SAMD3: variants seen among roughly 807,000 people sequenced by gnomAD.
SAMD3 encodes sterile alpha motif domain containing 3, also known as sterile alpha motif domain-containing protein 3.
Under a neutral mutation model 58.5 loss-of-function variants are expected in SAMD3, and 63 were observed. That is an observed-to-expected ratio of 1.08 (90% confidence interval 0.88 to 1.33). SAMD3 has a LOEUF of 1.33. Ranked by LOEUF, SAMD3 falls within the 40% of genes most tolerant of loss-of-function variation. SAMD3 has a pLI of 0.00. For synonymous variants in SAMD3, 220 were observed against 210.3 expected (o/e 1.05, Z -0.40); for missense variants, 604 against 608.4 (o/e 0.99, Z 0.08).
At chr6:130,317,732 T>C (rs1181387153) in intron 1 of SAMD3, among the ~76,000 whole-genome samples, 1 of 152,118 alleles carries the variant, frequency 6.6e-6, no homozygotes, top group Non-Finnish European at 1.5e-5. Context: ...GAAAAAAATA[T>C]ACAAAACAGC....
intron 8 of SAMD3, among the ~76,000 whole-genome samples, chr6:130,175,101 A>G (rs945434644): frequency 6.6e-6 from 1 of 152,254 alleles, no homozygotes; most frequent in Non-Finnish European, 1.5e-5. Flanking sequence ...ACATTGGATC[A>G]AGATAGAAAC....
chr6:130,346,787 T>A (rs1483525725), intron 1 of SAMD3, among the ~76,000 whole-genome samples: 7 of 152,224 alleles, frequency 4.6e-5, no homozygotes. Context: ...TCTCCTCAAG[T>A]GGGTCCCTGA....
intron 1 of SAMD3, among the ~76,000 whole-genome samples, chr6:130,327,175 G>A (rs1304162956): frequency 6.6e-6 from 1 of 151,918 alleles, no homozygotes; most frequent in Admixed American, 6.6e-5. Flanking sequence ...TATACAGATG[G>A]ACAGCTATAA....
chr6:130,144,807 G>A lies in SAMD3; in HGVS notation c.1279-3C>T. The A allele has an allele frequency of 6.3e-7, 1 of 1,596,448 alleles. No homozygotes were observed. Among genetic ancestry groups the A allele is most frequent in the East Asian group, 2.2e-5 (1 of 44,626 alleles). On this transcript the variant is annotated splice_region_variant and splice_polypyrimidine_tract_variant and intron_variant, in intron 11 of 11. Transcript: ENST00000439090. The stretch of plus-strand genomic sequence containing the variant: ...AACACAGGTGTGGACACTTGCACCT[G>A]AAAAAAAGAGTGGAGTCATTACCAT...
At chr6:130,183,545 T>C (rs539333192) in intron 7 of SAMD3, 3 of 385,600 alleles carry the variant, frequency 7.8e-6, no homozygotes, top group African/African-American at 4.2e-5. Flanking sequence ...TGTCTTTCTC[T>C]TTCTATGTGT....
intron 8 of SAMD3, among the ~76,000 whole-genome samples, chr6:130,166,480 C>G (rs1790745413): frequency 6.6e-6 from 1 of 152,214 alleles, no homozygotes; most frequent in Non-Finnish European, 1.5e-5. Flanking sequence ...TATGGTGCCA[C>G]TTTTATTGTA....
intron 7 of SAMD3, among the ~76,000 whole-genome samples, chr6:130,180,970 G>A (rs1224937005): frequency 3.5e-4 from 2 of 5,748 alleles, no homozygotes; most frequent in Admixed American, 2.1e-3. Context: ...CTTTTGAGAC[G>A]GAGTTCCGCT....
At chr6:130,188,759 C>T (rs1463019363) in intron 5 of SAMD3, among the ~76,000 whole-genome samples, 1 of 152,184 alleles carries the variant, frequency 6.6e-6, no homozygotes, top group African/African-American at 2.4e-5. Context: ...CTTCCTCACA[C>T]CCCTTTTCTT....
intron 9 of SAMD3, among the ~76,000 whole-genome samples, chr6:130,153,525 C>T (rs1789408921): frequency 6.6e-6 from 1 of 151,182 alleles, no homozygotes; most frequent in African/African-American, 2.4e-5. Context: ...CGGGTAAAAC[C>T]TTTGATGATC....
chr6:130,333,689 G>T (rs1465436533), intron 1 of SAMD3, among the ~76,000 whole-genome samples: 3 of 152,146 alleles, frequency 2.0e-5, no homozygotes, highest in Non-Finnish European at 4.4e-5. Flanking sequence ...CTCTTGTACT[G>T]TCCGACAGGG....
At chr6:130,259,506 C>A (rs879540774) in intron 2 of SAMD3, among the ~76,000 whole-genome samples, 8 of 152,118 alleles carry the variant, frequency 5.3e-5, no homozygotes, top group Non-Finnish European at 1.2e-4. Flanking sequence ...TCCCATTAGG[C>A]CCCATCTTCA....
intron 9 of SAMD3, among the ~76,000 whole-genome samples, chr6:130,147,068 A>ACT (rs148819708): frequency 0.026 from 3,981 of 152,222 alleles, 152 homozygotes; most frequent in Admixed American, 0.11. Flanking sequence ...CTTTCCTCAA[A>ACT]CTACCCCATC....
At chr6:130,318,792 G>T (rs1460183213) in intron 1 of SAMD3, among the ~76,000 whole-genome samples, 1 of 152,126 alleles carries the variant, frequency 6.6e-6, no homozygotes, top group African/African-American at 2.4e-5. Context: ...AGCTGGTAAA[G>T]AATAATTAGT....
Position 130,214,419 on chromosome 6 carries a change from A to AT in SAMD3, c.186dup (p.Tyr63IlefsTer32), listed in dbSNP as rs770241311. 6.2e-7 allele frequency: 1 copy of AT among 1,613,042 alleles called. No homozygotes were observed. The highest frequency in any genetic ancestry group is 8.5e-7 in the Non-Finnish European group (1 of 1,179,560). The stretch of plus-strand genomic sequence containing the variant: ...TTCAGTCCTTGAGTGTTCTGCTTGT[A>AT]TTTTTTAATTAAATCCATCAGAACA... On this transcript the variant is annotated frameshift_variant, in exon 4 of 12. Transcript: ENST00000439090. LOFTEE classifies it high-confidence loss of function.
At chr6:130,159,549 G>A (rs1790095507) in intron 8 of SAMD3, 1 of 152,182 alleles carries the variant, frequency 6.6e-6, no homozygotes, top group Non-Finnish European at 1.5e-5. Context: ...TTCAGTTCGA[G>A]GAAGTTGGTG....
At chr6:130,231,755 A>ATTAT (rs1796555922) in intron 2 of SAMD3, among the ~76,000 whole-genome samples, 1 of 152,058 alleles carries the variant, frequency 6.6e-6, no homozygotes, top group Non-Finnish European at 1.5e-5. Flanking sequence ...TAGTTCAAGG[A>ATTAT]TTATTTCCTT....
At chr6:130,338,112 C>T (rs528399188) in intron 1 of SAMD3, among the ~76,000 whole-genome samples, 2 of 152,196 alleles carry the variant, frequency 1.3e-5, no homozygotes, top group Non-Finnish European at 2.9e-5. Context: ...CTTTGTGTAG[C>T]CTGGGGACTT....
At chr6:130,298,324 A>G (rs1267745527) in intron 2 of SAMD3, among the ~76,000 whole-genome samples, 1 of 152,204 alleles carries the variant, frequency 6.6e-6, no homozygotes, top group Non-Finnish European at 1.5e-5. Flanking sequence ...TTCCCAGAGA[A>G]GCAAATGCTA....
chr6:130,352,575 A>G (rs1258178111), intron 1 of SAMD3, among the ~76,000 whole-genome samples: 2 of 152,182 alleles, frequency 1.3e-5, no homozygotes, highest in African/African-American at 2.4e-5. Context: ...GGATAGGGCC[A>G]CTCAAGCTCA....
Sources: gnomAD v4.1 joint callset for allele counts (sites outside exome capture counted in the v4.1 genomes callset) on GRCh38, gnomAD v4.1.1 for gene constraint, MANE v1.5 for transcripts, NCBI Gene and HGNC (gene_info 2026-07-23, HGNC 2026-07-21) for gene names.